FAT2: variants seen among roughly 807,000 people sequenced by gnomAD.
FAT2 encodes the protein FAT atypical cadherin 2, also known as protocadherin Fat 2.
FAT2 carries 150 observed loss-of-function variants against 295.3 expected under a neutral mutation model. The observed-to-expected ratio is 0.51, with a 90% CI of 0.44 to 0.58. FAT2 has a LOEUF of 0.58. Ranked by LOEUF, FAT2 falls within the 20% of genes least tolerant of loss-of-function variation. The pLI is 0.00. For missense variants in FAT2, 4,868 were observed against 5,442.7 expected (o/e 0.89, Z 3.32); for synonymous variants, 2,026 against 2,150.3 (o/e 0.94, Z 1.60).
chr5:151,504,925 C>CGGA lies in FAT2; in HGVS notation c.*637_*639dup. On this transcript the variant is annotated 3_prime_UTR_variant, in exon 24 of 24. Coordinates refer to ENST00000261800, the MANE Select transcript of FAT2 (RefSeq NM_001447.3). ...GGGCCCGAGGCCTGGTGGTGCTCCTCGGAGTCCTTGTTGCCCTCCATCACC... is the reference window on the plus strand; with the variant it reads ...GGGCCCGAGGCCTGGTGGTGCTCCTCGGAGGAGTCCTTGTTGCCCTCCATCACC... 6.5e-6 allele frequency: 1 copy of CGGA among 152,978 alleles called. No homozygotes were observed. Among genetic ancestry groups the CGGA allele is most frequent in the South Asian group, 2.1e-4 (1 of 4,852 alleles). The allele number at this position is 152,978 out of a possible 1,614,324, so 9.5% of individuals were successfully genotyped here.
At chr5:151,591,059 T>C (rs1194869212) in intron 1 of FAT2, among the ~76,000 whole-genome samples, 106 bp downstream of exon 1, 2 of 152,190 alleles carry the variant, frequency 1.3e-5, no homozygotes, top group Non-Finnish European at 2.9e-5. Context: ...CTTCCTTCTC[T>C]ACCTTCCAGG....
In FAT2 at chr5:151,551,587, G is replaced by T. The variant is rs779346140; in HGVS notation, c.4176C>A (p.Asp1392Glu). 10 of 1,614,210 alleles carry T rather than the reference G, an allele frequency of 6.2e-6. No individual in the cohort carries two copies. Among genetic ancestry groups the T allele is most frequent in the South Asian group, 1.1e-5 (1 of 91,086 alleles). ...FNISGGDKDM[D>E]FDIEKTTGSI... ...TGCCTGTGGTCTTCTCAATGTCAAA[G>T]TCCATGTCCTTATCCCCACCTAGAG... Residue 1392 changes from aspartate to glutamate, a missense_variant, in exon 7 of 24, where the codon GAC (aspartate) becomes GAA (glutamate). Physicochemically the swap from Asp to Glu is conservative, Grantham distance 45. Coordinates refer to ENST00000261800, the MANE Select transcript of FAT2 (RefSeq NM_001447.3).
chr5:151,545,175 T>C lies in FAT2; in HGVS notation c.5952A>G (p.Arg1984=), dbSNP rs770290748. ...WAAVKENLQD[R]KALVILGAQG... is the part of the protein sequence containing the mutation. Reference sequence around the variant, plus strand: ...GGGCACCAAGAATCACCAGTGCCTTTCTGTCCTGCAAGTTCTCCTTCACAG... The same window carrying C: ...GGGCACCAAGAATCACCAGTGCCTTCCTGTCCTGCAAGTTCTCCTTCACAG... Residue 1984 remains arginine, a synonymous_variant, in exon 10 of 24, where the codon AGA becomes AGG. Coordinates refer to ENST00000261800, the MANE Select transcript of FAT2 (RefSeq NM_001447.3). 1 of 1,614,216 alleles carries C rather than the reference T, an allele frequency of 6.2e-7. No individual in the cohort carries two copies. Among genetic ancestry groups the C allele is most frequent in the Non-Finnish European group, 8.5e-7 (1 of 1,180,034 alleles).
In FAT2 at chr5:151,561,196, CA is replaced by C. The variant is rs986562216; in HGVS notation, c.3574+2128del. Among the ~76,000 whole-genome samples, 55 of 152,268 alleles carry C rather than the reference CA, an allele frequency of 3.6e-4. 1 individual carries two copies. Among genetic ancestry groups the C allele is most frequent in the Non-Finnish European group, 1.5e-4 (10 of 68,030 alleles). On this transcript the variant is annotated intron_variant, in intron 3 of 23. Coordinates refer to ENST00000261800, the MANE Select transcript of FAT2 (RefSeq NM_001447.3). ...GAAAGAAGAGCGGGAATTGACCAGA[CA>C]AAAGGAGAGAAGAGTCCCCTGTTAA...
chr5:151,544,966 C>G lies in FAT2; in HGVS notation c.6161G>C (p.Gly2054Ala), dbSNP rs34493925. 2.1e-3 allele frequency: 3,380 copies of G among 1,614,146 alleles called. 60 individuals are homozygous for G. In the African/African-American group the frequency reaches 0.04, roughly 19 times the overall value. Residue 2054 changes from glycine (G) to alanine (A), a missense_variant, in exon 10 of 24, where the codon GGT becomes GCT. Physicochemically the swap from Gly to Ala is moderately conservative, Grantham distance 60. Around this residue, in one of 5 missense-constraint regions of FAT2, gnomAD observed 3,297 missense variants for 3,669.4 expected, o/e 0.90. Coordinates refer to ENST00000261800, the MANE Select transcript of FAT2 (RefSeq NM_001447.3). ...ATCCTCAATAGAGACTCTGACCAAA[C>G]CCTGAGCCACCCGCTGAGGTGTCCG... is the stretch of plus-strand genomic sequence containing the variant. ...DNRTPQRVAQ[G>A]LVRVSIEDVN...
intron 1 of FAT2, among the ~76,000 whole-genome samples, chr5:151,589,664 G>A (rs1348273105): frequency 1.3e-5 from 2 of 152,084 alleles, no homozygotes; most frequent in South Asian, 2.1e-4. Context: ...AGGGGGCCAA[G>A]GTGGAAAAAT....
chr5:151,527,484 C>G (rs1754141275), intron 16 of FAT2, 107 bp from the exon 17 acceptor site: 1 of 1,120,410 alleles, frequency 8.9e-7, no homozygotes, highest in Admixed American at 2.8e-5. Flanking sequence ...GAGACACTTT[C>G]CTATGCCCAC....
intron 2 of FAT2, among the ~76,000 whole-genome samples, chr5:151,563,972 T>C (rs1429040369): frequency 1.3e-5 from 2 of 152,270 alleles, no homozygotes; most frequent in Non-Finnish European, 2.9e-5. Flanking sequence ...CATTGATCTA[T>C]TTCACATTCT....
chr5:151,505,838 G>C lies in FAT2; in HGVS notation c.12777C>G (p.Pro4259=), dbSNP rs375536782. Residue 4259 remains proline, a synonymous_variant, in exon 24 of 24, where the codon CCC becomes CCG. Transcript: ENST00000261800. ...GACAGGGGGCAACCAGGCGCTCCCG[G>C]GGACTAGGGGGCCGAGAGGGCATCA... ...EDLMPSRPPS[P]RERLVAPCLN... The C allele has an allele frequency of 4.9e-5, 79 of 1,612,906 alleles. No individual in the cohort carries two copies. In the African/African-American group the frequency reaches 9.7e-4, roughly 20 times the overall value.
At chr5:151,592,080 C>T (rs544872447), upstream of FAT2, among the ~76,000 whole-genome samples, 11 of 152,280 alleles carry the variant, frequency 7.2e-5, no homozygotes, top group East Asian at 3.9e-4. Flanking sequence ...TCACAAAGCA[C>T]GGTGAGTGAT....
rs1477590887 is a variant in FAT2 at position 151,531,175 on chromosome 5, G to A, written c.9811+412C>T. ...CCAGGATGTTTGGAGTGGATGTGGG[G>A]ACTCCAGGAGGGAAGCAGGCAGCCT... On this transcript the variant is annotated intron_variant, in intron 14 of 23. Transcript: ENST00000261800. This position sits in a 1 kb window ranked among gnomAD's most constrained non-coding sequence, Gnocchi z 5.7. 6.6e-6 allele frequency among the ~76,000 whole-genome samples: 1 copy of A among 152,154 alleles called. No homozygotes were observed. The highest frequency in any genetic ancestry group is 1.5e-5 in the Non-Finnish European group (1 of 68,032).
At chr5:151,526,050 A>G in intron 17 of FAT2, 85 bp from the exon 18 acceptor site, 2 of 1,302,806 alleles carry the variant, frequency 1.5e-6, no homozygotes, top group Non-Finnish European at 2.2e-6. Flanking sequence ...GTCATCTGGA[A>G]TGAGTCCTCA....
chr5:151,588,672 CT>C (rs1759277877), intron 1 of FAT2, among the ~76,000 whole-genome samples: 1 of 152,122 alleles, frequency 6.6e-6, no homozygotes, highest in Non-Finnish European at 1.5e-5. Flanking sequence ...CATGGCTTAT[CT>C]TAGTAGGAGA....
chr5:151,551,601 C>T lies in FAT2; in HGVS notation c.4162G>A (p.Asp1388Asn), dbSNP rs138459731. The change falls in exon 7 of 24, where the codon GAT becomes AAT. Residue 1388 changes from aspartate to asparagine, a missense_variant. By Grantham distance (23) the Asp-to-Asn change is conservative. This residue lies in a region of FAT2 where 3,297 missense variants were observed against 3,669.4 expected (regional missense o/e 0.90). Transcript: ENST00000261800. ...GLFWFNISGG[D>N]KDMDFDIEKT... is the part of the protein sequence containing the mutation. ...TCAATGTCAAAGTCCATGTCCTTATCCCCACCTAGAGTGGGAGTGGGGAGA... is the reference window on the plus strand; with the variant it reads ...TCAATGTCAAAGTCCATGTCCTTATTCCCACCTAGAGTGGGAGTGGGGAGA... 3 of 1,613,980 alleles carry T rather than the reference C, an allele frequency of 1.9e-6. No homozygotes were observed. In the African/African-American group the frequency reaches 4.0e-5, roughly 22 times the overall value.
Position 151,556,356 on chromosome 5 carries a change from T to A in FAT2, c.3621A>T (p.Glu1207Asp), listed in dbSNP as rs1245701620. The change falls in exon 4 of 24, where the codon GAA becomes GAT. Residue 1207 changes from glutamate (E) to aspartate (D), a missense_variant. Coordinates refer to ENST00000261800, the MANE Select transcript of FAT2 (RefSeq NM_001447.3). ...CACCATTACTTACCTCCAGGATGTG[T>A]TCATCCTTGTTCTCTCTGTCCAGCT... ...AQQLDRENKDEHILEVTVLDN... is the reference protein window; with the variant it reads ...AQQLDRENKDDHILEVTVLDN... 1 of 1,613,258 alleles carries A rather than the reference T, an allele frequency of 6.2e-7. No individual in the cohort carries two copies. Among genetic ancestry groups the A allele is most frequent in the Admixed American group, 1.7e-5 (1 of 60,032 alleles).
intron 12 of FAT2, among the ~76,000 whole-genome samples, chr5:151,536,813 C>A (rs1022264603): frequency 2.0e-5 from 3 of 152,234 alleles, no homozygotes; most frequent in African/African-American, 7.2e-5. Context: ...ATGACACTCA[C>A]CTGCCTAAAT....
intron 15 of FAT2, 64 bp downstream of exon 15, chr5:151,529,114 G>A (rs1754323367): frequency 1.5e-6 from 2 of 1,378,214 alleles, no homozygotes; most frequent in South Asian, 1.2e-5. Flanking sequence ...GCTGGGTGTG[G>A]GGGTGAGATA....
At position 151,512,430 on chromosome 5, in the gene FAT2, C is replaced by T. The variant is rs1163154087; in HGVS notation, c.11640G>A (p.Glu3880=). The change falls in exon 21 of 24, where the codon GAG becomes GAA. Residue 3880 remains glutamate (E), a synonymous_variant. Coordinates refer to ENST00000261800, the MANE Select transcript of FAT2 (RefSeq NM_001447.3). This position sits in a 1 kb window ranked among gnomAD's most constrained non-coding sequence, Gnocchi z 4.1. ...TTTCGGGCCTCAGACCACGGCAGTT[C>T]TCTGGGACCACAAGGGAGGTGTTGC... ...SMGNTSLVVP[E]NCRGLRPERH... The T allele has an allele frequency of 1.9e-6, 3 of 1,614,268 alleles. No individual in the cohort carries two copies. The South Asian group carries it at 3.3e-5, about 18-fold the overall frequency.
chr5:151,534,285 G>A, intron 13 of FAT2, 124 bp downstream of exon 13: 1 of 644,694 alleles, frequency 1.6e-6, no homozygotes, highest in Non-Finnish European at 2.7e-6. Context: ...ACTTTTAAGT[G>A]TCCCCAGACT....
Sources: gnomAD v4.1 joint callset for allele counts (sites outside exome capture counted in the v4.1 genomes callset) on GRCh38, gnomAD v4.1.1 for gene constraint, gnomAD v4.1.1 regional missense constraint, Gnocchi (gnomAD v3.1) non-coding constraint, MANE v1.5 for transcripts, NCBI Gene and HGNC (gene_info 2026-07-23, HGNC 2026-07-21) for gene names.